Variants in NAV2 observed in about 807,000 individuals in gnomAD.
The protein encoded by NAV2 is helicase, APC down-regulated 1.
A neutral mutation model predicts 223.2 loss-of-function variants in NAV2; 54 were observed. That is an observed-to-expected ratio of 0.24 (90% confidence interval 0.19 to 0.30). NAV2 has a LOEUF of 0.30. Among genes scored for constraint, NAV2 ranks in the 10% least tolerant of loss-of-function variants. The pLI, the probability that NAV2 is intolerant of heterozygous loss-of-function variation, is 1.00. For synonymous variants in NAV2, 1,279 were observed against 1,239.3 expected (o/e 1.03, Z -0.67); for missense variants, 2,806 against 3,147.5 (o/e 0.89, Z 2.60).
chr11:19,853,916 T>A (rs2061279717), intron 3 of NAV2, among the ~76,000 whole-genome samples: 1 of 152,210 alleles, frequency 6.6e-6, no homozygotes. Flanking sequence ...ACTCAGTGAA[T>A]GTTTAATGAA....
At chr11:19,951,095 A>C (rs1290746019) in intron 10 of NAV2, among the ~76,000 whole-genome samples, 1 of 152,152 alleles carries the variant, frequency 6.6e-6, no homozygotes, top group African/African-American at 2.4e-5. Context: ...AAATTAGAAT[A>C]ATGTTTGGAG....
At chr11:19,380,863 G>A (rs1848814665) in intron 1 of NAV2, among the ~76,000 whole-genome samples, 1 of 152,122 alleles carries the variant, frequency 6.6e-6, no homozygotes, top group South Asian at 2.1e-4. Flanking sequence ...CTGGGACATG[G>A]GACTCTCAGT....
intron 1 of NAV2, among the ~76,000 whole-genome samples, chr11:19,583,386 T>C (rs2091118953): frequency 6.6e-6 from 1 of 152,214 alleles, no homozygotes. Flanking sequence ...TCCTGCCTGA[T>C]TGCCCTGGCC....
chr11:19,821,191 G>A (rs1458390495), intron 1 of NAV2, among the ~76,000 whole-genome samples: 1 of 151,444 alleles, frequency 6.6e-6, no homozygotes. Context: ...GAACCCGGGA[G>A]GCGGAGCTTG....
chr11:19,493,675 C>T (rs972043436), intron 1 of NAV2, among the ~76,000 whole-genome samples: 2 of 152,112 alleles, frequency 1.3e-5, no homozygotes, highest in African/African-American at 4.8e-5. Flanking sequence ...AAGGGTGAGG[C>T]ATGTGGCAGG....
Position 20,054,148 on chromosome 11 carries a change from G to A in NAV2, c.4550G>A (p.Gly1517Glu). The A allele has an allele frequency of 6.2e-7, 1 of 1,613,792 alleles. No individual in the cohort carries two copies. The highest frequency in any genetic ancestry group is 1.1e-5 in the South Asian group (1 of 91,000). Residue 1517 changes from glycine to glutamate, a missense_variant, in exon 18 of 38, where the codon GGA (glycine) becomes GAA (glutamate). Coordinates refer to ENST00000349880, the MANE Select transcript of NAV2 (RefSeq NM_145117.5). ...AKEWLRSHSA[G>E]GLQDTAANSP... ...GAATGGTTACGGTCCCATTCTGCAG[G>A]AGGCCTTCAGGACACCGCTGCCAAT...
At position 19,494,762 on chromosome 11, in the gene NAV2, C is replaced by G. The variant is rs148617058; in HGVS notation, c.75+143735C>G. Reference sequence around the variant, plus strand: ...ATGACCTAGATTCCTGAACACTTGCCCTGCATAGCCTGCCCTACAGGAGGA... The same window carrying G: ...ATGACCTAGATTCCTGAACACTTGCGCTGCATAGCCTGCCCTACAGGAGGA... On this transcript the variant is annotated intron_variant, in intron 1 of 37. Coordinates refer to the NAV2 transcript ENST00000360655. Among the ~76,000 whole-genome samples, 987 of 152,278 alleles carry G rather than the reference C, an allele frequency of 6.5e-3. 38 individuals carry two copies. The highest frequency in any genetic ancestry group is 0.058 in the Admixed American group (888 of 15,292).
At chr11:19,732,707 G>T (rs1389875056) in intron 1 of NAV2, among the ~76,000 whole-genome samples, 1 of 152,194 alleles carries the variant, frequency 6.6e-6, no homozygotes, top group African/African-American at 2.4e-5. Flanking sequence ...GGACTAGCTG[G>T]ACTCTGGGAT....
chr11:19,532,826 T>C (rs531916427), intron 1 of NAV2, among the ~76,000 whole-genome samples: 1 of 152,190 alleles, frequency 6.6e-6, no homozygotes, highest in Non-Finnish European at 1.5e-5. Context: ...AAGGGGAAGA[T>C]AGTTTGTCTC....
intron 31 of NAV2, among the ~76,000 whole-genome samples, chr11:20,098,530 C>G (rs898325495): frequency 6.6e-6 from 1 of 152,190 alleles, no homozygotes; most frequent in Non-Finnish European, 1.5e-5. Flanking sequence ...TGTCTCATTT[C>G]TTACTTCCCT....
chr11:19,764,357 T>A (rs968022491), intron 1 of NAV2, among the ~76,000 whole-genome samples: 4 of 152,224 alleles, frequency 2.6e-5, no homozygotes, highest in Admixed American at 1.3e-4. Context: ...AATTTTATTG[T>A]CCCTGGTCTG....
chr11:19,613,572 G>A (rs1274603105), intron 1 of NAV2, among the ~76,000 whole-genome samples: 4 of 152,112 alleles, frequency 2.6e-5, no homozygotes, highest in Admixed American at 6.5e-5. Flanking sequence ...GAGGGGGTCT[G>A]AGCTGTTTGG....
At chr11:19,915,927 T>C (rs1433002364) in intron 6 of NAV2, among the ~76,000 whole-genome samples, 1 of 152,212 alleles carries the variant, frequency 6.6e-6, no homozygotes, top group East Asian at 1.9e-4. Context: ...TATTTACAGC[T>C]CAGACTCTGG....
At chr11:19,571,407 T>C (rs531155024) in intron 1 of NAV2, among the ~76,000 whole-genome samples, 50 of 152,320 alleles carry the variant, frequency 3.3e-4, no homozygotes, top group Non-Finnish European at 6.5e-4. Context: ...GTCACTGAAT[T>C]GTACACTTTA....
Position 19,880,027 on chromosome 11 carries a change from A to G in NAV2, c.670A>G (p.Thr224Ala). ...GGCCCCCTCCCAGTGCCAGGCTGGC[A>G]CCCCTCAGCAGCAGGTGCCAGTCAC... ...AGAPSQCQAG[T>A]PQQQVPVTPQ... Residue 224 changes from threonine to alanine, a missense_variant, in exon 5 of 38, where the codon ACC becomes GCC. This residue lies in a region of NAV2 where 1,167 missense variants were observed against 1,180.5 expected (regional missense o/e 0.99). Transcript: ENST00000349880. 6.2e-7 allele frequency: 1 copy of G among 1,613,444 alleles called. No homozygotes were observed. Among genetic ancestry groups the G allele is most frequent in the Non-Finnish European group, 8.5e-7 (1 of 1,179,770 alleles).
rs115763014 is a variant in NAV2 at position 20,018,073 on chromosome 11, G to A, written c.2769-17886G>A. Among the ~76,000 whole-genome samples, 1,140 of 152,214 alleles carry A rather than the reference G, an allele frequency of 7.5e-3. 14 individuals carry two copies. Among genetic ancestry groups the A allele is most frequent in the African/African-American group, 0.026 (1,077 of 41,544 alleles). ...AAAAAGTCAGTATAAAAGTGAAACT[G>A]CCAGGTGTGGTGGCTCACTCCTGTA... On this transcript the variant is annotated intron_variant, in intron 11 of 37. Transcript: ENST00000349880.
rs184962137 is a variant in NAV2 at position 19,582,217 on chromosome 11, T to C, written c.75+231190T>C. Among the ~76,000 whole-genome samples the C allele has an allele frequency of 2.9e-3, 449 of 152,300 alleles. 4 individuals carry two copies. Among genetic ancestry groups the C allele is most frequent in the African/African-American group, 0.01 (430 of 41,562 alleles). On this transcript the variant is annotated intron_variant, in intron 1 of 37. Transcript: ENST00000360655. The stretch of plus-strand genomic sequence containing the variant: ...GCCCACTTGTTGATGGGGTTGTTTG[T>C]TTTTTTCTTGTAAATCTGTTGGAGT...
chr11:19,768,424 C>T (rs2055415702), intron 1 of NAV2, among the ~76,000 whole-genome samples: 1 of 151,986 alleles, frequency 6.6e-6, no homozygotes, highest in Admixed American at 6.6e-5. Context: ...CCGATAAGGG[C>T]TTCTGGGCAC....
At chr11:20,063,509 A>G (rs1236999988) in intron 20 of NAV2, among the ~76,000 whole-genome samples, 1 of 152,020 alleles carries the variant, frequency 6.6e-6, no homozygotes, top group African/African-American at 2.4e-5. Flanking sequence ...AGTAGCTGGG[A>G]TTACAGGCAG....
Sources: allele counts gnomAD v4.1 joint callset (sites outside exome capture counted in the v4.1 genomes callset), GRCh38; gene constraint gnomAD v4.1.1; regional missense constraint gnomAD v4.1.1; transcripts MANE v1.5; gene names NCBI Gene and HGNC (gene_info 2026-07-23, HGNC 2026-07-21).